Variants in NHS observed in about 807,000 individuals in gnomAD.
NHS encodes actin remodeling regulator NHS.
Under a neutral mutation model 72.5 loss-of-function variants are expected in NHS, and 5 were observed. That is an observed-to-expected ratio of 0.07 (90% CI 0.04 to 0.14). The LOEUF is 0.14. Ranked by LOEUF, NHS falls within the 10% of genes least tolerant of loss-of-function variation. NHS has a pLI of 1.00. For missense variants in NHS, 1,072 were observed against 1,355.7 expected (o/e 0.79, Z 3.29); for synonymous variants, 464 against 547.7 (o/e 0.85, Z 2.13).
chrX:17,676,831 A>G (rs1298419971), intron 1 of NHS, among the ~76,000 whole-genome samples: 7 of 112,760 alleles, frequency 6.2e-5, no homozygotes, highest in African/African-American at 2.3e-4. Context: ...CTAAGAGCAC[A>G]GTGGCCCTTC....
chrX:17,625,262 G>C (rs2147065057), intron 1 of NHS, among the ~76,000 whole-genome samples: 1 of 111,274 alleles, frequency 9.0e-6, no homozygotes, highest in South Asian at 3.8e-4. Flanking sequence ...TGTTCCATCT[G>C]GTATGGTATC....
intron 1 of NHS, among the ~76,000 whole-genome samples, chrX:17,613,053 T>C (rs1290363834): frequency 9.1e-6 from 1 of 109,679 alleles, no homozygotes; most frequent in Non-Finnish European, 1.9e-5. Context: ...ATAGTCATGA[T>C]GCAGTAATGA....
intron 1 of NHS, among the ~76,000 whole-genome samples, chrX:17,556,912 TG>T (rs1224679605): frequency 9.1e-6 from 1 of 109,466 alleles, no homozygotes; most frequent in Non-Finnish European, 1.9e-5. Context: ...AGGGATAAAT[TG>T]TGTTGTAACT....
rs2064386265 is a variant in NHS at position 17,383,097 on chromosome X, C to T, written c.565+6775C>T. On this transcript the variant is annotated intron_variant, in intron 1 of 8. Coordinates refer to ENST00000676302, the MANE Select transcript of NHS (RefSeq NM_001291867.2). ...CACAGTGATGACTTATTTGATGACACATCCTATCTTTGCTGTCTTCCTTTC... is the reference window on the plus strand; with the variant it reads ...CACAGTGATGACTTATTTGATGACATATCCTATCTTTGCTGTCTTCCTTTC... Among the ~76,000 whole-genome samples the T allele has an allele frequency of 1.8e-5, 2 of 112,115 alleles. 1 individual carries two copies. The highest frequency in any genetic ancestry group is 6.5e-5 in the African/African-American group (2 of 30,783).
chrX:17,408,119 C>T (rs1022855097), intron 1 of NHS, among the ~76,000 whole-genome samples: 1 of 111,213 alleles, frequency 9.0e-6, no homozygotes, highest in Non-Finnish European at 1.9e-5. Flanking sequence ...AGTCCTCCTA[C>T]CTCAGCCTCT....
At chrX:17,729,863 G>A (rs778294731) in intron 8 of NHS, among the ~76,000 whole-genome samples, 2 of 112,116 alleles carry the variant, frequency 1.8e-5, no homozygotes, top group Non-Finnish European at 3.8e-5. Flanking sequence ...ACCTCATAAA[G>A]TTATCATTTT....
intron 1 of NHS, among the ~76,000 whole-genome samples, chrX:17,627,297 G>A (rs1216846195): frequency 8.9e-6 from 1 of 112,076 alleles, no homozygotes; most frequent in African/African-American, 3.2e-5. Context: ...CACCATTCTG[G>A]TTGAAATGAT....
intron 1 of NHS, among the ~76,000 whole-genome samples, chrX:17,600,681 G>A (rs1232944896): frequency 9.0e-6 from 1 of 111,411 alleles, no homozygotes; most frequent in Admixed American, 9.5e-5. Context: ...GGTATTGTCA[G>A]GCTCTATTCA....
intron 1 of NHS, among the ~76,000 whole-genome samples, chrX:17,435,437 C>T (rs781768123): frequency 8.9e-6 from 1 of 111,901 alleles, no homozygotes; most frequent in Non-Finnish European, 1.9e-5. Flanking sequence ...TTCCCAGGCA[C>T]TCTTTCCTGT....
At chrX:17,561,570 GCGCGCACA>G (rs1171437956) in intron 1 of NHS, among the ~76,000 whole-genome samples, 6 of 63,147 alleles carry the variant, frequency 9.5e-5, no homozygotes, top group African/African-American at 2.8e-4. Context: ...GCGCGCGCGC[GCGCGCACA>G]CACACACACA....
At chrX:17,572,590 C>T (rs2065487424) in intron 1 of NHS, among the ~76,000 whole-genome samples, 1 of 98,831 alleles carries the variant, frequency 1.0e-5, no homozygotes, top group African/African-American at 3.9e-5. Flanking sequence ...TGAGATGGGT[C>T]TCCTGAATAC....
At chrX:17,703,764 C>G (rs1185753348) in intron 3 of NHS, among the ~76,000 whole-genome samples, 1 of 112,126 alleles carries the variant, frequency 8.9e-6, no homozygotes, top group Admixed American at 9.4e-5. Flanking sequence ...TTAGGAATTT[C>G]CTTAACAGTA....
intron 1 of NHS, among the ~76,000 whole-genome samples, chrX:17,529,760 A>G (rs1267046295): frequency 1.8e-5 from 2 of 112,064 alleles, no homozygotes; most frequent in Non-Finnish European, 3.8e-5. Flanking sequence ...GCTCTTAAAA[A>G]GCATGGAGGG....
chrX:17,448,065 C>T (rs1402923055), intron 1 of NHS, among the ~76,000 whole-genome samples: 1 of 111,263 alleles, frequency 9.0e-6, no homozygotes, highest in Admixed American at 9.6e-5. Flanking sequence ...CCTTCTGACC[C>T]TTTTATGTAT....
At chrX:17,410,115 C>G (rs2064550190) in intron 1 of NHS, among the ~76,000 whole-genome samples, 1 of 110,662 alleles carries the variant, frequency 9.0e-6, no homozygotes, top group South Asian at 3.9e-4. Flanking sequence ...ACAATAGCCT[C>G]AAAGAAACAA....
At chrX:17,632,461 C>A (rs2065825629) in intron 1 of NHS, among the ~76,000 whole-genome samples, 1 of 109,727 alleles carries the variant, frequency 9.1e-6, no homozygotes, top group African/African-American at 3.3e-5. Flanking sequence ...TAGATCCTAG[C>A]CATTCTTCAA....
At chrX:17,684,476 CT>C (rs1346519059) in intron 1 of NHS, among the ~76,000 whole-genome samples, 1 of 110,559 alleles carries the variant, frequency 9.0e-6, no homozygotes, top group Non-Finnish European at 1.9e-5. Context: ...CCAGAGTTCT[CT>C]TTCAAGTTCA....
At chrX:17,557,321 T>C (rs1245461978) in intron 1 of NHS, 1 of 94,408 alleles carries the variant, frequency 1.1e-5, no homozygotes, top group Non-Finnish European at 2.0e-5. Flanking sequence ...TGACAGAGAT[T>C]CTGTGATATA....
At chrX:17,441,369 T>C (rs1242865132) in intron 1 of NHS, among the ~76,000 whole-genome samples, 1 of 112,094 alleles carries the variant, frequency 8.9e-6, no homozygotes, top group Non-Finnish European at 1.9e-5. Context: ...ACTTTCTACA[T>C]GCCAGGCATT....
Sources: allele counts gnomAD v4.1 joint callset (sites outside exome capture counted in the v4.1 genomes callset), GRCh38; gene constraint gnomAD v4.1.1; transcripts MANE v1.5; gene names NCBI Gene and HGNC (gene_info 2026-07-23, HGNC 2026-07-21).